The following HGFAC variants were observed in gnomAD, a reference collection of about 807,000 sequenced individuals.
HGFAC encodes the protein HGF activator.
HGFAC carries 76 observed loss-of-function variants against 70.6 expected under a neutral mutation model. The observed-to-expected ratio is 1.08, with a 90% CI of 0.89 to 1.30. The LOEUF is 1.30. HGFAC is among the 50% of genes most tolerant of loss of function. The pLI, the probability that HGFAC is intolerant of heterozygous loss-of-function variation, is 0.00. For missense variants in HGFAC, 1,044 were observed against 933.7 expected, an observed-to-expected ratio of 1.12 and a Z score of -1.54; for synonymous variants, 464 against 405.3, an observed-to-expected ratio of 1.14 and a Z score of -1.74.
rs750134133 is a variant in HGFAC at position 3,442,920 on chromosome 4, A to G, written c.298+8A>G. The G allele has an allele frequency of 3.8e-6, 6 of 1,562,488 alleles. No homozygotes were observed. The South Asian group carries it at 7.0e-5, about 18-fold the overall frequency. ...GTAGCCCCCAGGCCCAAGGTGGGTC[A>G]GGTGGGCCTGGGAGGAGGTGTCGTG... is the stretch of plus-strand genomic sequence containing the variant. On this transcript the variant is annotated splice_region_variant and intron_variant, in intron 2 of 13. Coordinates refer to ENST00000382774, the MANE Select transcript of HGFAC (RefSeq NM_001528.4).
chr4:3,445,783 C>A (rs16844386), intron 9 of HGFAC: 1 of 1,244,658 alleles, frequency 8.0e-7, no homozygotes, highest in Middle Eastern at 2.0e-4. Flanking sequence ...TGTGGGGTTC[C>A]GGGCTGCTGA....
Position 3,442,754 on chromosome 4 carries a change from C to T in HGFAC, c.140C>T (p.Pro47Leu). 1 of 1,514,650 alleles carries T rather than the reference C, an allele frequency of 6.6e-7. No individual in the cohort carries two copies. Among genetic ancestry groups the T allele is most frequent in the South Asian group, 1.3e-5 (1 of 75,666 alleles). 93.8% of individuals were successfully genotyped at this position (1,514,650 alleles called of 1,614,324 possible). Reference protein sequence around the residue: ...PGGNRTESPEPNATATPAIPT... With the variant: ...PGGNRTESPELNATATPAIPT... The stretch of plus-strand genomic sequence containing the variant: ...TAGAACCGTACGGAGTCCCCAGAAC[C>T]TAATGCCACAGCGACCCCTGCGATC... The change falls in exon 2 of 14, where the codon CCT (proline) becomes CTT (leucine). Residue 47 changes from proline to leucine, a missense_variant. Coordinates refer to ENST00000382774, the MANE Select transcript of HGFAC (RefSeq NM_001528.4).
chr4:3,448,534 G>A (rs1269577569), intron 13 of HGFAC, among the ~76,000 whole-genome samples: 1 of 152,192 alleles, frequency 6.6e-6, no homozygotes, highest in East Asian at 1.9e-4. Context: ...GTCCCACAGA[G>A]CCCGGACAGT....
intron 10 of HGFAC, among the ~76,000 whole-genome samples, 192 bp downstream of exon 10, chr4:3,446,486 C>T (rs941083081): frequency 7.9e-5 from 12 of 152,140 alleles, no homozygotes; most frequent in African/African-American, 2.9e-4. Flanking sequence ...TGCATGGACA[C>T]TCCAGAAACC....
chr4:3,444,476 C>G, intron 6 of HGFAC, 34 bp downstream of exon 6: 1 of 1,556,696 alleles, frequency 6.4e-7, no homozygotes, highest in Admixed American at 1.8e-5. Context: ...GCCACTGACC[C>G]CTGACGGGTG....
In HGFAC at chr4:3,445,447, A is replaced by T. The variant is rs1725474480; in HGVS notation, c.1102+97A>T. On this transcript the variant is annotated intron_variant, in intron 9 of 13. Coordinates refer to ENST00000382774, the MANE Select transcript of HGFAC (RefSeq NM_001528.4). ...GCCCCTCCGCACACCTGGCTACTGC[A>T]TCTCTGACAAATGGGGAAACTGGAG... The T allele has an allele frequency of 3.5e-5, 30 of 850,292 alleles. No individual in the cohort carries two copies. In the South Asian group the frequency reaches 4.2e-4, roughly 12 times the overall value. The allele number at this position is 850,292 out of a possible 1,614,324, so 52.7% of individuals were successfully genotyped here.
rs1376355020 is a variant in HGFAC at position 3,446,309 on chromosome 4, G to A, written c.1355+15G>A. ...TTCTCCCACAGGTGCACCTCCTCTGGGCCCCAGTCACCTGCCCTGAGGCCC... is the reference window on the plus strand; with the variant it reads ...TTCTCCCACAGGTGCACCTCCTCTGAGCCCCAGTCACCTGCCCTGAGGCCC... On this transcript the variant is annotated intron_variant, in intron 10 of 13. Coordinates refer to ENST00000382774, the MANE Select transcript of HGFAC (RefSeq NM_001528.4). 1 of 1,598,230 alleles carries A rather than the reference G, an allele frequency of 6.3e-7. No individual in the cohort carries two copies. The highest frequency in any genetic ancestry group is 1.7e-5 in the Admixed American group (1 of 59,630).
In HGFAC at chr4:3,444,104, C is replaced by T; in HGVS notation, c.541C>T (p.Pro181Ser). The change falls in exon 5 of 14, where the codon CCC becomes TCC. Residue 181 changes from proline to serine, a missense_variant. Physicochemically the swap from Pro to Ser is moderately conservative, Grantham distance 74 (BLOSUM62 -1). Transcript: ENST00000382774. Reference protein sequence around the residue: ...NGGSCSNTQDPQSYHCSCPRA... With the variant: ...NGGSCSNTQDSQSYHCSCPRA... ...AGGCTCCTGCTCCAATACCCAGGAC[C>T]CCCAGTCCTATCACTGCAGCTGCCC... 6.2e-7 allele frequency: 1 copy of T among 1,612,240 alleles called. No homozygotes were observed. The highest frequency in any genetic ancestry group is 8.5e-7 in the Non-Finnish European group (1 of 1,179,696).
At position 3,444,087 on chromosome 4, in the gene HGFAC, G is replaced by C; in HGVS notation, c.524G>C (p.Cys175Ser). ...ASGPCLNGGS[C>S]SNTQDPQSYH... ...GGCCCCTGCCTCAATGGAGGCTCCTGCTCCAATACCCAGGACCCCCAGTCC... is the reference window on the plus strand; with the variant it reads ...GGCCCCTGCCTCAATGGAGGCTCCTCCTCCAATACCCAGGACCCCCAGTCC... The change falls in exon 5 of 14, where the codon TGC (cysteine) becomes TCC (serine). Residue 175 changes from cysteine (C) to serine (S), a missense_variant. Physicochemically the swap from Cys to Ser is moderately radical, Grantham distance 112. Coordinates refer to ENST00000382774, the MANE Select transcript of HGFAC (RefSeq NM_001528.4). 1 of 1,611,998 alleles carries C rather than the reference G, an allele frequency of 6.2e-7. No homozygotes were observed. Among genetic ancestry groups the C allele is most frequent in the Non-Finnish European group, 8.5e-7 (1 of 1,179,640 alleles).
rs762923398 is a variant in HGFAC, at chr4:3,442,796, C to T, written c.182C>T (p.Thr61Ile). 1 of 1,583,798 alleles carries T rather than the reference C, an allele frequency of 6.3e-7. No individual in the cohort carries two copies. The highest frequency in any genetic ancestry group is 1.1e-5 in the South Asian group (1 of 87,030). ...ATPAIPTILV[T>I]SVTSETPATS... is the part of the protein sequence containing the mutation. ...CCTGCGATCCCCACTATCCTGGTGA[C>T]CTCTGTGACCTCTGAGACCCCAGCA... is the stretch of plus-strand genomic sequence containing the variant. The change falls in exon 2 of 14, where the codon ACC becomes ATC. Residue 61 changes from threonine (T) to isoleucine (I), a missense_variant. Thr to Ile is a moderately conservative substitution (Grantham distance 89). Transcript: ENST00000382774.
Position 3,444,864 on chromosome 4 carries a change from G to T in HGFAC, c.887G>T (p.Gly296Val). The T allele has an allele frequency of 6.2e-7, 1 of 1,606,272 alleles. No individual in the cohort carries two copies. Among genetic ancestry groups the T allele is most frequent in the Non-Finnish European group, 8.5e-7 (1 of 1,177,182 alleles). The change falls in exon 8 of 14, where the codon GGC becomes GTC. Residue 296 changes from glycine (G) to valine (V), a missense_variant. By Grantham distance (109) the Gly-to-Val change is moderately radical (BLOSUM62 -3). Coordinates refer to ENST00000382774, the MANE Select transcript of HGFAC (RefSeq NM_001528.4). ...CFLGNGTGYRGVASTSASGLS... is the reference protein window; with the variant it reads ...CFLGNGTGYRVVASTSASGLS... ...TTGGGGAACGGCACTGGGTACCGTG[G>T]CGTGGCCAGCACCTCAGCCTCGGGC...
At position 3,444,107 on chromosome 4, in the gene HGFAC, C is replaced by G; in HGVS notation, c.544C>G (p.Gln182Glu). 1 of 1,612,268 alleles carries G rather than the reference C, an allele frequency of 6.2e-7. No individual in the cohort carries two copies. Among genetic ancestry groups the G allele is most frequent in the Non-Finnish European group, 8.5e-7 (1 of 1,179,706 alleles). The change falls in exon 5 of 14, where the codon CAG (glutamine) becomes GAG (glutamate). Residue 182 changes from glutamine (Q) to glutamate (E), a missense_variant. Transcript: ENST00000382774. ...GGSCSNTQDP[Q>E]SYHCSCPRAF... ...CTCCTGCTCCAATACCCAGGACCCCCAGTCCTATCACTGCAGCTGCCCCCG... is the reference window on the plus strand; with the variant it reads ...CTCCTGCTCCAATACCCAGGACCCCGAGTCCTATCACTGCAGCTGCCCCCG...
Position 3,444,988 on chromosome 4 carries a change from C to T in HGFAC, c.1011C>T (p.Tyr337=). 2.5e-6 allele frequency: 4 copies of T among 1,588,288 alleles called. No homozygotes were observed. The highest frequency in any genetic ancestry group is 3.4e-6 in the Non-Finnish European group (4 of 1,169,824). ...TGCTGGGCCTGGGCCCCCATGCCTA[C>T]TGCCGGTCAGCACCACGCCGCTCCA... The part of the protein sequence containing the change: ...AALLGLGPHA[Y]CRNPDNDERP... The change falls in exon 8 of 14, where the codon TAC becomes TAT. Residue 337 remains tyrosine, a synonymous_variant. Coordinates refer to ENST00000382774, the MANE Select transcript of HGFAC (RefSeq NM_001528.4).
At chr4:3,445,405 T>G in intron 9 of HGFAC, 55 bp downstream of exon 9, 4 of 1,231,980 alleles carry the variant, frequency 3.2e-6, no homozygotes, top group Non-Finnish European at 4.7e-6. Context: ...ACAGCAGTTT[T>G]CCCCGTGATC....
Position 3,444,305 on chromosome 4 carries a change from C to A in HGFAC, c.599-6C>A. 1 of 1,585,148 alleles carries A rather than the reference C, an allele frequency of 6.3e-7. No individual in the cohort carries two copies. Among genetic ancestry groups the A allele is most frequent in the East Asian group, 2.3e-5 (1 of 43,176 alleles). ...AGGGTGTGAGGGCTTACTGTGCACC[C>A]CTCAGAGAAATGCTTTGATGAGACC... On this transcript the variant is annotated splice_polypyrimidine_tract_variant and splice_region_variant and intron_variant, in intron 5 of 13. Coordinates refer to ENST00000382774, the MANE Select transcript of HGFAC (RefSeq NM_001528.4).
At chr4:3,446,590 G>A (rs1419955332) in intron 10 of HGFAC, among the ~76,000 whole-genome samples, 3 of 152,176 alleles carry the variant, frequency 2.0e-5, no homozygotes, top group Admixed American at 6.5e-5. Context: ...TGTCCTCCCC[G>A]CAGGCCCCGC....
chr4:3,448,134 G>A lies in HGFAC; in HGVS notation c.1643G>A (p.Ser548Asn), dbSNP rs777728243. 37 of 1,591,446 alleles carry A rather than the reference G, an allele frequency of 2.3e-5. No homozygotes were observed. Among genetic ancestry groups the A allele is most frequent in the Non-Finnish European group, 3.2e-5 (37 of 1,170,154 alleles). ...AGGGCATTGTGTCCCACAGACGTGA[G>A]CGGCTACTCCAGCTCCCTGCGGGAG... ...AGWGHLDENV[S>N]GYSSSLREAL... Residue 548 changes from serine to asparagine, a missense_variant, in exon 13 of 14, where the codon AGC becomes AAC. Physicochemically the swap from Ser to Asn is conservative, Grantham distance 46 (BLOSUM62 1). Transcript: ENST00000382774.
chr4:3,443,248 C>T (rs181183690), intron 3 of HGFAC, 93 bp from the exon 4 acceptor site: 75 of 1,065,490 alleles, frequency 7.0e-5, no homozygotes, highest in Non-Finnish European at 8.6e-5. Flanking sequence ...ACGCAGCAGG[C>T]GGACCCAGTG....
In HGFAC at chr4:3,448,270, C is replaced by T; in HGVS notation, c.1779C>T (p.Ala593=). ...GCTACTTCGACTGCAAGTCCGACGCCTGCCAGGTGAGCTGGTGCCCGCCCC... is the reference window on the plus strand; with the variant it reads ...GCTACTTCGACTGCAAGTCCGACGCTTGCCAGGTGAGCTGGTGCCCGCCCC... The part of the protein sequence containing the change: ...CAGYFDCKSD[A]CQGDSGGPLA... Residue 593 remains alanine (A), a synonymous_variant, in exon 13 of 14, where the codon GCC becomes GCT. Coordinates refer to ENST00000382774, the MANE Select transcript of HGFAC (RefSeq NM_001528.4). 1.9e-6 allele frequency: 3 copies of T among 1,605,430 alleles called. No homozygotes were observed. The highest frequency in any genetic ancestry group is 1.7e-6 in the Non-Finnish European group (2 of 1,177,796).
Sources: allele counts gnomAD v4.1 joint callset (sites outside exome capture counted in the v4.1 genomes callset), GRCh38; gene constraint gnomAD v4.1.1; transcripts MANE v1.5; gene names NCBI Gene and HGNC (gene_info 2026-07-23, HGNC 2026-07-21).